Variants in RAB27A observed in about 807,000 individuals in gnomAD.
RAB27A encodes RAB27A, member RAS oncogene family.
Under a neutral mutation model 20.8 loss-of-function variants are expected in RAB27A, and 17 were observed. The observed-to-expected ratio is 0.82, with a 90% CI of 0.56 to 1.23. RAB27A has a LOEUF of 1.23. Among genes scored for constraint, RAB27A ranks in the 50% most tolerant of loss-of-function variants. The probability of loss-of-function intolerance (pLI) is 0.00; values close to 1 mark genes in which losing one functional copy is unlikely to be tolerated. For missense variants in RAB27A, 277 were observed against 266.7 expected (o/e 1.04, Z -0.27); for synonymous variants, 85 against 92.8 (o/e 0.92, Z 0.48).
upstream of RAB27A, among the ~76,000 whole-genome samples, chr15:55,293,245 C>T (rs1032090311): frequency 2.0e-5 from 3 of 152,014 alleles, no homozygotes; most frequent in Admixed American, 2.0e-4. Flanking sequence ...TTATCTAGCT[C>T]TGTCTGCTAA....
At chr15:55,274,185 A>G (rs1321175875) in intron 1 of RAB27A, among the ~76,000 whole-genome samples, 1 of 152,178 alleles carries the variant, frequency 6.6e-6, no homozygotes, top group Non-Finnish European at 1.5e-5. Flanking sequence ...TTTTTTTTAA[A>G]TCTTGAGATA....
chr15:55,283,572 T>C (rs1023492437), intron 1 of RAB27A, among the ~76,000 whole-genome samples: 2 of 152,190 alleles, frequency 1.3e-5, no homozygotes, highest in African/African-American at 4.8e-5. Context: ...TATTTGACTG[T>C]GAGGACAATG....
At chr15:55,268,868 T>A (rs1897604666) in intron 2 of RAB27A, among the ~76,000 whole-genome samples, 1 of 152,172 alleles carries the variant, frequency 6.6e-6, no homozygotes, top group Admixed American at 6.5e-5. Flanking sequence ...CAGAATACAA[T>A]GTTTTTTGGA....
chr15:55,218,007 T>C (rs1352643581), intron 6 of RAB27A, among the ~76,000 whole-genome samples: 4 of 152,212 alleles, frequency 2.6e-5, no homozygotes, highest in Admixed American at 6.5e-5. Flanking sequence ...AGATCTTGCT[T>C]GTGGCGTAGG....
chr15:55,280,362 C>A (rs1897983439), intron 1 of RAB27A, among the ~76,000 whole-genome samples: 1 of 151,896 alleles, frequency 6.6e-6, no homozygotes, highest in Non-Finnish European at 1.5e-5. Context: ...CACTGGTTCC[C>A]AAACCAGGTT....
At chr15:55,223,822 T>C in intron 6 of RAB27A, 67 bp downstream of exon 6, 2 of 1,584,018 alleles carry the variant, frequency 1.3e-6, no homozygotes, top group African/African-American at 2.7e-5. Flanking sequence ...ATCTTTTTCA[T>C]TACCATTCAC....
rs536321623 is a variant in RAB27A, at chr15:55,262,306, C to T, written c.-23+7859G>A. 7.2e-5 allele frequency among the ~76,000 whole-genome samples: 11 copies of T among 152,020 alleles called. No homozygotes were observed. The South Asian group carries it at 1.5e-3, about 20-fold the overall frequency. On this transcript the variant is annotated intron_variant, in intron 2 of 6. Transcript: ENST00000336787. ...CATGTAATCCTAGCAATTTGGGAGG[C>T]CAAGGTGGGCGAATCACAATGTCAG...
intron 4 of RAB27A, 148 bp downstream of exon 4, chr15:55,230,253 C>A: frequency 1.3e-6 from 1 of 760,032 alleles, no homozygotes; most frequent in South Asian, 1.4e-5. Flanking sequence ...ATTCTCATCT[C>A]AGACTTGACA....
At chr15:55,315,045 G>GT (rs2055037015) in intron 1 of RAB27A, among the ~76,000 whole-genome samples, 1 of 152,158 alleles carries the variant, frequency 6.6e-6, no homozygotes, top group South Asian at 2.1e-4. Context: ...AAACACCATG[G>GT]TACTGGTACC....
intron 2 of RAB27A, among the ~76,000 whole-genome samples, chr15:55,253,635 T>C (rs1002841175): frequency 6.6e-6 from 1 of 152,048 alleles, no homozygotes; most frequent in African/African-American, 2.4e-5. Context: ...GCTCCTATTT[T>C]CTTAACATGC....
At chr15:55,308,213 G>A (rs764723251) in intron 2 of RAB27A, among the ~76,000 whole-genome samples, 31 of 152,060 alleles carry the variant, frequency 2.0e-4, no homozygotes, top group African/African-American at 5.3e-4. Context: ...TGATGACCCC[G>A]GCAGTGTAAG....
chr15:55,217,397 C>T (rs1437377240), intron 6 of RAB27A, among the ~76,000 whole-genome samples: 2 of 152,020 alleles, frequency 1.3e-5, no homozygotes, highest in Non-Finnish European at 2.9e-5. Flanking sequence ...GGCGGTGGCT[C>T]ACCTGTAATC....
chr15:55,257,965 G>T (rs1897139860), intron 2 of RAB27A, among the ~76,000 whole-genome samples: 1 of 151,608 alleles, frequency 6.6e-6, no homozygotes, highest in African/African-American at 2.4e-5. Flanking sequence ...TGCACTCCAG[G>T]CTGAGGCACG....
In RAB27A at chr15:55,221,605, C is replaced by T. The variant is rs560820914; in HGVS notation, c.467+2284G>A. On this transcript the variant is annotated intron_variant, in intron 6 of 6. Coordinates refer to ENST00000336787, the MANE Select transcript of RAB27A (RefSeq NM_183235.3). ...ATTTTAAAAGATACCAATGCCCAGG[C>T]TTTGTAATGAGTCAGCTTGGCTAGG... Among the ~76,000 whole-genome samples the T allele has an allele frequency of 2.1e-3, 313 of 152,236 alleles. 2 individuals carry two copies. Among genetic ancestry groups the T allele is most frequent in the African/African-American group, 7.3e-3 (304 of 41,534 alleles).
chr15:55,281,728 G>A (rs1401766273), intron 1 of RAB27A, among the ~76,000 whole-genome samples: 1 of 151,528 alleles, frequency 6.6e-6, no homozygotes, highest in Non-Finnish European at 1.5e-5. Context: ...AAGGGAGAAG[G>A]GAAGGGGGAA....
intron 2 of RAB27A, among the ~76,000 whole-genome samples, chr15:55,235,203 T>C (rs749148644): frequency 7.9e-5 from 12 of 152,148 alleles, no homozygotes; most frequent in Admixed American, 1.3e-4. Flanking sequence ...ATCCCAGCAC[T>C]TTGGGAGGCC....
intron 5 of RAB27A, among the ~76,000 whole-genome samples, chr15:55,225,046 G>T (rs1566906521): frequency 6.6e-6 from 1 of 152,202 alleles, no homozygotes; most frequent in East Asian, 1.9e-4. Flanking sequence ...ACTAAACTGT[G>T]TACCATTTCA....
rs760722107 is a variant in RAB27A, at chr15:55,205,714, CAG to C, written c.468-11_468-10del. ...TTTCAAAGTAGGGGATTCTGGAAGACAGAGACAACTGAGGTAACAACATGTGG... is the reference window on the plus strand; with the variant it reads ...TTTCAAAGTAGGGGATTCTGGAAGACAGACAACTGAGGTAACAACATGTGG... On this transcript the variant is annotated splice_polypyrimidine_tract_variant and intron_variant, in intron 6 of 6. Coordinates refer to ENST00000336787, the MANE Select transcript of RAB27A (RefSeq NM_183235.3). 2 of 1,607,108 alleles carry C rather than the reference CAG, an allele frequency of 1.2e-6. No homozygotes were observed. The highest frequency in any genetic ancestry group is 2.2e-5 in the South Asian group (2 of 90,924).
chr15:55,241,612 A>ATATGTG (rs1555395467), intron 2 of RAB27A, among the ~76,000 whole-genome samples: 1 of 129,084 alleles, frequency 7.7e-6, no homozygotes, highest in African/African-American at 4.2e-5. Flanking sequence ...ATATATATAT[A>ATATGTG]TATATATATA....
Sources: gnomAD v4.1 joint callset for allele counts (sites outside exome capture counted in the v4.1 genomes callset) on GRCh38, gnomAD v4.1.1 for gene constraint, MANE v1.5 for transcripts, NCBI Gene and HGNC (gene_info 2026-07-23, HGNC 2026-07-21) for gene names.